SLC37A3: variants seen among roughly 807,000 people sequenced by gnomAD.
The protein encoded by SLC37A3 is solute carrier family 37 member 3, also known as sugar phosphate exchanger 3.
Under a neutral mutation model 67.1 loss-of-function variants are expected in SLC37A3, and 51 were observed. That is an observed-to-expected ratio of 0.76 (90% CI 0.61 to 0.96). The LOEUF (loss-of-function observed/expected upper bound fraction) is 0.96, where lower values mean the gene tolerates loss of function less well. Among genes scored for constraint, SLC37A3 ranks in the 40% least tolerant of loss-of-function variants. The pLI is 0.00. For synonymous variants in SLC37A3, 214 were observed against 231.4 expected, an observed-to-expected ratio of 0.92 and a Z score of 0.68; for missense variants, 508 against 603.0, an observed-to-expected ratio of 0.84 and a Z score of 1.65.
intron 6 of SLC37A3, among the ~76,000 whole-genome samples, chr7:140,358,252 A>C (rs560969730): frequency 3.3e-5 from 5 of 152,300 alleles, no homozygotes; most frequent in Admixed American, 1.3e-4. Flanking sequence ...TAATGTAAAA[A>C]GGTTAAATAA....
Position 140,362,901 on chromosome 7 carries a change from C to CG in SLC37A3, c.375+1506dup, listed in dbSNP as rs1190488654. ...CCAGCCGCCCCGTCCGGGAGGGAGG[C>CG]GGGGGGGGGGGTCGGCCAGCCGCCC... On this transcript the variant is annotated intron_variant, in intron 5 of 14. Coordinates refer to ENST00000326232, the MANE Select transcript of SLC37A3 (RefSeq NM_207113.3). Among the ~76,000 whole-genome samples the CG allele has an allele frequency of 9.3e-3, 156 of 16,860 alleles. 11 individuals are homozygous for CG. Among genetic ancestry groups the CG allele is most frequent in the African/African-American group, 0.016 (68 of 4,210 alleles). 11.1% of individuals were successfully genotyped at this position (16,860 alleles called of 152,430 possible).
At chr7:140,383,407 G>T (rs7806111) in intron 1 of SLC37A3, among the ~76,000 whole-genome samples, 24,322 of 151,926 alleles carry the variant, frequency 0.16, 2,473 homozygotes, top group African/African-American at 0.28. Context: ...GGAGTTCGAG[G>T]TTACAGTGAG....
intron 1 of SLC37A3, among the ~76,000 whole-genome samples, chr7:140,398,065 G>C (rs531402957): frequency 1.4e-4 from 22 of 152,148 alleles, no homozygotes; most frequent in Non-Finnish European, 2.9e-4. Context: ...TGGTCCGAAC[G>C]ACAAGCCCTT....
At chr7:140,352,039 T>C in intron 8 of SLC37A3, 23 bp downstream of exon 8, 2 of 1,599,378 alleles carry the variant, frequency 1.3e-6, no homozygotes, top group East Asian at 2.2e-5. Context: ...ACATTCGGAA[T>C]AGAAGGGGCG....
intron 1 of SLC37A3, among the ~76,000 whole-genome samples, chr7:140,392,921 G>A (rs2129965368): frequency 6.6e-6 from 1 of 152,206 alleles, no homozygotes; most frequent in East Asian, 1.9e-4. Context: ...ATGAAACTAT[G>A]TCTCTACTAA....
At chr7:140,343,179 G>A (rs1459452010) in intron 13 of SLC37A3, among the ~76,000 whole-genome samples, 1 of 152,190 alleles carries the variant, frequency 6.6e-6, no homozygotes, top group Non-Finnish European at 1.5e-5. Context: ...TAGCTTATTT[G>A]CAGACAGGAA....
chr7:140,379,477 G>GA lies in SLC37A3; in HGVS notation c.198+804dup, dbSNP rs58367114. On this transcript the variant is annotated intron_variant, in intron 3 of 14. Transcript: ENST00000326232. ...GCGACACAGCGAGACTCTGTCTCAA[G>GA]AAAAAAAAAAAAAAAGAAACCATTA... 230 of 85,086 alleles carry GA rather than the reference G, an allele frequency of 2.7e-3. 2 individuals are homozygous for GA. Among genetic ancestry groups the GA allele is most frequent in the South Asian group, 0.015 (45 of 2,984 alleles). The allele number at this position is 85,086 out of a possible 1,614,324, so 5.3% of individuals were successfully genotyped here. A position where few individuals can be genotyped will look rare whatever the true frequency, so the allele number is the denominator to read the frequency against.
At chr7:140,369,219 C>T (rs968866932) in intron 4 of SLC37A3, among the ~76,000 whole-genome samples, 6 of 152,190 alleles carry the variant, frequency 3.9e-5, no homozygotes, top group African/African-American at 1.4e-4. Flanking sequence ...TACAACCTCA[C>T]CCAGGCCCCT....
intron 3 of SLC37A3, 150 bp from the exon 4 acceptor site, chr7:140,369,832 C>T (rs1001153951): frequency 1.1e-5 from 7 of 638,814 alleles, no homozygotes; most frequent in Middle Eastern, 4.3e-4. Flanking sequence ...CTAGTATAGC[C>T]GGGCACAGTG....
rs1034696752 is a variant in SLC37A3 at position 140,380,303 on chromosome 7, C to T, written c.177G>A (p.Thr59=). 1.7e-5 allele frequency: 27 copies of T among 1,612,180 alleles called. No individual in the cohort carries two copies. Among genetic ancestry groups the T allele is most frequent in the Middle Eastern group, 3.3e-4 (2 of 6,074 alleles). Residue 59 remains threonine, a synonymous_variant, in exon 3 of 15, where the codon ACG becomes ACA. Transcript: ENST00000326232. Reference sequence around the variant, plus strand: ...TTACCTCCACAGGCAGCTCAACTGACGTGTTAAAAGCACTTGGGGTCCACT... The same window carrying T: ...TTACCTCCACAGGCAGCTCAACTGATGTGTTAAAAGCACTTGGGGTCCACT... The part of the protein sequence containing the change: ...SEQWTPSAFN[T]SVELPVEIWS...
intron 3 of SLC37A3, 51 bp from the exon 4 acceptor site, chr7:140,369,733 T>C (rs1797746578): frequency 6.7e-7 from 1 of 1,495,320 alleles, no homozygotes; most frequent in South Asian, 1.2e-5. Context: ...CTGCCAGGGC[T>C]TTCTGTTTCC....
Position 140,364,391 on chromosome 7 carries a change from A to G in SLC37A3, c.375+17T>C, listed in dbSNP as rs1253221027. ...AATACCTGACCAAAATAATAATAAT[A>G]AGACCTTTCAACTTACCACTAATGC... On this transcript the variant is annotated intron_variant, in intron 5 of 14. Transcript: ENST00000326232. The G allele has an allele frequency of 6.2e-7, 1 of 1,608,102 alleles. No individual in the cohort carries two copies.
At chr7:140,388,271 A>G (rs1218645245) in intron 1 of SLC37A3, among the ~76,000 whole-genome samples, 1 of 151,714 alleles carries the variant, frequency 6.6e-6, no homozygotes, top group African/African-American at 2.4e-5. Flanking sequence ...CGTTTCCAGA[A>G]AAAATACAAA....
At chr7:140,383,764 C>T (rs2129838145) in intron 1 of SLC37A3, among the ~76,000 whole-genome samples, 1 of 152,260 alleles carries the variant, frequency 6.6e-6, no homozygotes, top group East Asian at 1.9e-4. Flanking sequence ...GCAACCTCCG[C>T]TTCCCAGGCT....
intron 8 of SLC37A3, 133 bp from the exon 9 acceptor site, chr7:140,351,584 G>A (rs1585275343): frequency 9.4e-6 from 8 of 851,202 alleles, no homozygotes; most frequent in East Asian, 2.6e-5. Flanking sequence ...TCCAGAGACC[G>A]AGGTCAACTA....
chr7:140,380,253 G>A (rs748556935), intron 3 of SLC37A3, 29 bp downstream of exon 3: 38 of 1,444,576 alleles, frequency 2.6e-5, no homozygotes, highest in Admixed American at 9.1e-5. Context: ...CTCCTACTTC[G>A]ATCCATCCCA....
Position 140,355,688 on chromosome 7 carries a change from CAGA to C in SLC37A3, c.595_597del (p.Ser199del), listed in dbSNP as rs758287749. 6.2e-7 allele frequency: 1 copy of C among 1,613,854 alleles called. No individual in the cohort carries two copies. The highest frequency in any genetic ancestry group is 8.5e-7 in the Non-Finnish European group (1 of 1,179,902). Reference sequence around the variant, plus strand: ...CCTACCTCATAACCATACTGAAGAACAGAAGAAGCTAGGCACGCTCCCAAAATG... The same window carrying C: ...CCTACCTCATAACCATACTGAAGAACAGAAGCTAGGCACGCTCCCAAAATG... On this transcript the variant is annotated inframe_deletion, in exon 7 of 15. Coordinates refer to ENST00000326232, the MANE Select transcript of SLC37A3 (RefSeq NM_207113.3).
intron 1 of SLC37A3, among the ~76,000 whole-genome samples, chr7:140,394,749 C>A (rs564018741): frequency 2.2e-4 from 33 of 151,640 alleles, no homozygotes; most frequent in Non-Finnish European, 3.7e-4. Context: ...GCTGGGACTA[C>A]AGGCATGCAC....
At chr7:140,348,588 T>C (rs1796669028) in intron 10 of SLC37A3, 38 bp downstream of exon 10, 1 of 1,576,040 alleles carries the variant, frequency 6.3e-7, no homozygotes. Context: ...CACTAGTGAC[T>C]AACTCTTTAT....
Sources: gnomAD v4.1 joint callset for allele counts (sites outside exome capture counted in the v4.1 genomes callset) on GRCh38, gnomAD v4.1.1 for gene constraint, MANE v1.5 for transcripts, NCBI Gene and HGNC (gene_info 2026-07-23, HGNC 2026-07-21) for gene names.